Variants in APOBEC3G observed in about 807,000 individuals in gnomAD.
APOBEC3G encodes apolipoprotein B mRNA editing enzyme catalytic subunit 3G.
A neutral mutation model predicts 50.0 loss-of-function variants in APOBEC3G; 44 were observed. That is an observed-to-expected ratio of 0.88 (90% CI 0.69 to 1.13). The LOEUF is 1.13. APOBEC3G is among the 50% of genes most tolerant of loss of function. APOBEC3G has a pLI of 0.00. For synonymous variants in APOBEC3G, 156 were observed against 175.3 expected, an observed-to-expected ratio of 0.89 and a Z score of 0.87; for missense variants, 469 against 492.0, an observed-to-expected ratio of 0.95 and a Z score of 0.44.
At chr22:39,078,545 CCTCACATGAG>C (rs1928271434) in intron 1 of APOBEC3G, 1 of 171,264 alleles carries the variant, frequency 5.8e-6, no homozygotes. Flanking sequence ...CCTAGGGCAG[CCTCACATGAG>C]CTCACCCCCG....
intron 1 of APOBEC3G, 58 bp from the exon 2 acceptor site, chr22:39,078,874 C>G: frequency 6.2e-7 from 1 of 1,600,666 alleles, no homozygotes; most frequent in Non-Finnish European, 8.5e-7. Flanking sequence ...TGGACATCAG[C>G]CCGGAGGGCC....
At chr22:39,079,905 A>T (rs1331999046) in intron 2 of APOBEC3G, 1 of 152,444 alleles carries the variant, frequency 6.6e-6, no homozygotes, top group Non-Finnish European at 1.5e-5. Flanking sequence ...TTAGCCAGGC[A>T]TGGTGGCAGT....
chr22:39,077,655 C>T (rs1928220776), intron 1 of APOBEC3G, among the ~76,000 whole-genome samples: 1 of 152,324 alleles, frequency 6.6e-6, no homozygotes, highest in African/African-American at 2.4e-5. Flanking sequence ...GTGCTCCCGG[C>T]CCTGGGAGGG....
At position 39,079,103 on chromosome 22, in the gene APOBEC3G, A is replaced by G. The variant is rs373689523; in HGVS notation, c.171+18A>G. The G allele has an allele frequency of 1.5e-5, 24 of 1,613,472 alleles. 1 individual carries two copies. Among genetic ancestry groups the G allele is most frequent in the African/African-American group, 1.2e-4 (9 of 75,008 alleles). On this transcript the variant is annotated intron_variant, in intron 2 of 7. Transcript: ENST00000407997. ...GAGGCCAGGTACCACCCGGACTCCA[A>G]TCACTTTGCAGGCAGGAGCTAAGCC...
chr22:39,081,653 C>T (rs17496018), intron 4 of APOBEC3G, 68 bp downstream of exon 4: 80,984 of 1,314,042 alleles, frequency 0.062, 2,904 homozygotes, highest in Non-Finnish European at 0.069. Context: ...TGAGGCCTCC[C>T]CTCTGTTCCA....
intron 2 of APOBEC3G, chr22:39,080,258 T>C (rs781142951): frequency 1.5e-5 from 11 of 753,988 alleles, no homozygotes; most frequent in African/African-American, 3.8e-5. Flanking sequence ...GGTGAATGGA[T>C]GCCTGGGAGA....
intron 5 of APOBEC3G, among the ~76,000 whole-genome samples, chr22:39,084,462 G>A (rs760947381): frequency 7.9e-5 from 12 of 152,014 alleles, no homozygotes; most frequent in Non-Finnish European, 1.5e-4. Flanking sequence ...GGGAGGCAGA[G>A]CTTGCAGTGA....
intron 4 of APOBEC3G, chr22:39,081,906 G>A (rs948714522): frequency 6.1e-5 from 17 of 278,742 alleles, no homozygotes; most frequent in African/African-American, 3.3e-4. Context: ...CGAATTTGTC[G>A]TAAAACTGGA....
In APOBEC3G at chr22:39,077,668, C is replaced by T. The variant is rs1928221680; in HGVS notation, c.17+290C>T. Among the ~76,000 whole-genome samples, 4 of 152,230 alleles carry T rather than the reference C, an allele frequency of 2.6e-5. No individual in the cohort carries two copies. In the South Asian group the frequency reaches 6.2e-4, roughly 24 times the overall value. On this transcript the variant is annotated intron_variant, in intron 1 of 7. Coordinates refer to ENST00000407997, the MANE Select transcript of APOBEC3G (RefSeq NM_021822.4). ...TGGTGCTCCCGGCCCTGGGAGGGTG[C>T]TCCCTCTGTGTGCTTCCCGCCATTC... is the stretch of plus-strand genomic sequence containing the variant.
Position 39,087,570 on chromosome 22 carries a change from A to T in APOBEC3G, c.*149A>T. 2.1e-6 allele frequency: 3 copies of T among 1,450,060 alleles called. No homozygotes were observed. Among genetic ancestry groups the T allele is most frequent in the Non-Finnish European group, 2.8e-6 (3 of 1,063,976 alleles). The allele number at this position is 1,450,060 out of a possible 1,614,324, so 89.8% of individuals were successfully genotyped here. On this transcript the variant is annotated 3_prime_UTR_variant, in exon 8 of 8. Coordinates refer to ENST00000407997, the MANE Select transcript of APOBEC3G (RefSeq NM_021822.4). ...AAGCAATGCACTCCTGACCAAGTAG[A>T]TTCTTTTAAAAATTAGAGTGCATTA...
chr22:39,087,268 T>G, intron 7 of APOBEC3G, 139 bp from the exon 8 acceptor site: 1 of 1,597,442 alleles, frequency 6.3e-7, no homozygotes, highest in Non-Finnish European at 8.6e-7. Flanking sequence ...CTCCCTTTCC[T>G]TCTCACAGCC....
intron 1 of APOBEC3G, among the ~76,000 whole-genome samples, chr22:39,077,895 A>T (rs1928231814): frequency 6.6e-6 from 1 of 152,186 alleles, no homozygotes; most frequent in Non-Finnish European, 1.5e-5. Flanking sequence ...GCAGAGGAGG[A>T]TGCAGATGAC....
chr22:39,077,010 C>A, upstream of APOBEC3G: 1 of 403,482 alleles, frequency 2.5e-6, no homozygotes. Context: ...GGCTTGTGCT[C>A]TGCTGGCTCA....
intron 6 of APOBEC3G, 110 bp downstream of exon 6, chr22:39,086,677 C>T (rs1208865996): frequency 7.0e-7 from 1 of 1,430,246 alleles, no homozygotes; most frequent in Non-Finnish European, 9.4e-7. Context: ...GGCCTTGATC[C>T]TCTGCCTGCA....
intron 3 of APOBEC3G, 34 bp from the exon 4 acceptor site, chr22:39,081,437 T>A (rs1382580559): frequency 6.2e-7 from 1 of 1,601,504 alleles, no homozygotes; most frequent in East Asian, 2.2e-5. Context: ...AGAGGCCAGC[T>A]GGGCTTGACT....
chr22:39,083,439 A>G (rs1425947231), intron 4 of APOBEC3G, among the ~76,000 whole-genome samples: 2 of 152,074 alleles, frequency 1.3e-5, no homozygotes, highest in East Asian at 3.9e-4. Flanking sequence ...ACCCAGCTGT[A>G]CCCCAGGGAG....
intron 1 of APOBEC3G, 152 bp downstream of exon 1, chr22:39,077,530 C>A: frequency 2.2e-6 from 3 of 1,393,930 alleles, no homozygotes; most frequent in Admixed American, 2.0e-5. Flanking sequence ...CCCAGCCAGG[C>A]TCCTTGCCCT....
chr22:39,087,564 AAGT>A lies in APOBEC3G; in HGVS notation c.*146_*148del. 1 of 1,470,820 alleles carries A rather than the reference AAGT, an allele frequency of 6.8e-7. No individual in the cohort carries two copies. Among genetic ancestry groups the A allele is most frequent in the Non-Finnish European group, 9.3e-7 (1 of 1,079,426 alleles). The allele number at this position is 1,470,820 out of a possible 1,614,324, so 91.1% of individuals were successfully genotyped here. A position where few individuals can be genotyped will look rare whatever the true frequency, so the allele number is the denominator to read the frequency against. On this transcript the variant is annotated 3_prime_UTR_variant, in exon 8 of 8. Coordinates refer to ENST00000407997, the MANE Select transcript of APOBEC3G (RefSeq NM_021822.4). ...CCAGCAAAGCAATGCACTCCTGACC[AAGT>A]AGATTCTTTTAAAAATTAGAGTGCA... is the stretch of plus-strand genomic sequence containing the variant.
At position 39,087,413 on chromosome 22, in the gene APOBEC3G, G is replaced by C. The variant is rs1928746305; in HGVS notation, c.1147G>C (p.Glu383Gln). ...GRLRAILQNQ[E>Q]N ...AACCTCCCTGCTCTTCCAGAATCAG[G>C]AAAACTGAAGGATGGGCCTCAGTCT... The change falls in exon 8 of 8, where the codon GAA becomes CAA. Residue 383 changes from glutamate to glutamine, a missense_variant. By Grantham distance (29) the Glu-to-Gln change is conservative. Coordinates refer to ENST00000407997, the MANE Select transcript of APOBEC3G (RefSeq NM_021822.4). The C allele has an allele frequency of 6.2e-7, 1 of 1,613,844 alleles. No homozygotes were observed. Among genetic ancestry groups the C allele is most frequent in the East Asian group, 2.2e-5 (1 of 44,896 alleles).
Sources: allele counts gnomAD v4.1 joint callset (sites outside exome capture counted in the v4.1 genomes callset), GRCh38; gene constraint gnomAD v4.1.1; transcripts MANE v1.5; gene names NCBI Gene and HGNC (gene_info 2026-07-23, HGNC 2026-07-21).